Variants in RNFT1 observed in about 807,000 individuals in gnomAD.
RNFT1 encodes ring finger protein, transmembrane 1.
In RNFT1, 35 loss-of-function variants were observed where a neutral mutation model predicts 53.2. That is an observed-to-expected ratio of 0.66 (90% CI 0.50 to 0.87). RNFT1 has a LOEUF of 0.87. RNFT1 is among the 40% of genes least tolerant of loss of function. The probability of loss-of-function intolerance (pLI) is 0.00; values close to 1 mark genes in which losing one functional copy is unlikely to be tolerated. For missense variants in RNFT1, 421 were observed against 515.0 expected (o/e 0.82, Z 1.77); for synonymous variants, 141 against 172.8 (o/e 0.82, Z 1.44).
intron 4 of RNFT1, 94 bp from the exon 5 acceptor site, chr17:59,958,538 A>T: frequency 9.7e-7 from 1 of 1,031,266 alleles, no homozygotes; most frequent in South Asian, 1.5e-5. Flanking sequence ...TTTTATTTTG[A>T]TATGTAAAAA....
intron 4 of RNFT1, 126 bp from the exon 5 acceptor site, chr17:59,958,570 A>G: frequency 1.2e-6 from 1 of 806,400 alleles, no homozygotes; most frequent in Non-Finnish European, 2.0e-6. Context: ...GCAGGATGTC[A>G]GAGTTCACAA....
In RNFT1 at chr17:59,962,601, A is replaced by G; in HGVS notation, c.530T>C (p.Ile177Thr). ...MQHITGISLGIGLLTTFMYAN... is the reference protein window; with the variant it reads ...MQHITGISLGTGLLTTFMYAN... ...ATACATAAAAGTTGTTAGCAGCCCA[A>G]TTCCAAGAGAAATTCCTGTTAGAAA... The change falls in exon 3 of 9, where the codon ATT becomes ACT. Residue 177 changes from isoleucine to threonine, a missense_variant. By Grantham distance (89) the Ile-to-Thr change is moderately conservative (BLOSUM62 -1). Transcript: ENST00000305783. 6.3e-7 allele frequency: 1 copy of G among 1,599,322 alleles called. No individual in the cohort carries two copies. Among genetic ancestry groups the G allele is most frequent in the East Asian group, 2.2e-5 (1 of 44,706 alleles).
chr17:59,954,792 A>G (rs1466255228), intron 7 of RNFT1, among the ~76,000 whole-genome samples: 1 of 152,228 alleles, frequency 6.6e-6, no homozygotes, highest in Non-Finnish European at 1.5e-5. Flanking sequence ...AAAAAGTTTT[A>G]CGGAGAAACT....
intron 3 of RNFT1, among the ~76,000 whole-genome samples, chr17:59,961,486 G>A (rs1324099038): frequency 3.3e-5 from 5 of 152,096 alleles, no homozygotes; most frequent in Non-Finnish European, 7.3e-5. Context: ...TTGCCTTAAG[G>A]TGAAATTTTA....
In RNFT1 at chr17:59,956,567, T is replaced by G; in HGVS notation, c.1006-14A>C. The G allele has an allele frequency of 3.1e-6, 5 of 1,604,630 alleles. No homozygotes were observed. Among genetic ancestry groups the G allele is most frequent in the Non-Finnish European group, 4.3e-6 (5 of 1,172,756 alleles). ...AAATTCCAAAAGCTGAAAAGAGAAA[T>G]AAGAGATCATTTATTAATTCAAACA... On this transcript the variant is annotated splice_polypyrimidine_tract_variant and intron_variant, in intron 6 of 8. Coordinates refer to ENST00000305783, the MANE Select transcript of RNFT1 (RefSeq NM_016125.4).
At position 59,964,705 on chromosome 17, in the gene RNFT1, C is replaced by G; in HGVS notation, c.-42G>C. ...TTCAGTCGGGGCCATCAACCGCAAA[C>G]CCCGCAAGCTCTTCTCTCAGCCCGG... On this transcript the variant is annotated 5_prime_UTR_variant, in exon 1 of 9. Transcript: ENST00000305783. 1 of 1,566,224 alleles carries G rather than the reference C, an allele frequency of 6.4e-7. No individual in the cohort carries two copies. The highest frequency in any genetic ancestry group is 8.7e-7 in the Non-Finnish European group (1 of 1,155,182).
Position 59,957,214 on chromosome 17 carries a change from TG to T in RNFT1, c.1005+9del. On this transcript the variant is annotated intron_variant, in intron 6 of 8. Coordinates refer to ENST00000305783, the MANE Select transcript of RNFT1 (RefSeq NM_016125.4). ...AATCATGCAGTGACAAGATTTGTAA[TG>T]TTACCTACTTTTAATATGAGGTAGA... 6.2e-7 allele frequency: 1 copy of T among 1,608,974 alleles called. No homozygotes were observed. Among genetic ancestry groups the T allele is most frequent in the Non-Finnish European group, 8.5e-7 (1 of 1,178,058 alleles).
Position 59,964,518 on chromosome 17 carries a change from G to A in RNFT1, c.56+90C>T, listed in dbSNP as rs917457460. 50 of 1,227,292 alleles carry A rather than the reference G, an allele frequency of 4.1e-5. No homozygotes were observed. The African/African-American group carries it at 7.7e-4, about 19-fold the overall frequency. The allele number at this position is 1,227,292 out of a possible 1,614,324, so 76.0% of individuals were successfully genotyped here. ...TCCGAGGGCAGAGTTCTCCACCCAC[G>A]TCCGAGCCTCGAGTGCCTATTCTCC... On this transcript the variant is annotated intron_variant, in intron 1 of 8. Transcript: ENST00000305783.
At chr17:59,961,463 T>C (rs1350904199) in intron 3 of RNFT1, among the ~76,000 whole-genome samples, 1 of 152,234 alleles carries the variant, frequency 6.6e-6, no homozygotes, top group African/African-American at 2.4e-5. Context: ...TACACAGACA[T>C]AGCCATTTAA....
At chr17:59,957,546 T>C (rs1282683014) in intron 5 of RNFT1, among the ~76,000 whole-genome samples, 164 bp from the exon 6 acceptor site, 1 of 152,174 alleles carries the variant, frequency 6.6e-6, no homozygotes, top group African/African-American at 2.4e-5. Context: ...TTCTCACATA[T>C]TACAGTCACT....
chr17:59,952,778 A>G lies in RNFT1; in HGVS notation c.*199T>C, dbSNP rs1304846554. ...AGAATAGAATAAATGTTGCATATACATTAGGTTGAACATTATATATATTTT... is the reference window on the plus strand; with the variant it reads ...AGAATAGAATAAATGTTGCATATACGTTAGGTTGAACATTATATATATTTT... On this transcript the variant is annotated 3_prime_UTR_variant, in exon 9 of 9. Transcript: ENST00000305783. 1 of 455,478 alleles carries G rather than the reference A, an allele frequency of 2.2e-6. No homozygotes were observed. Among genetic ancestry groups the G allele is most frequent in the African/African-American group, 2.0e-5 (1 of 50,378 alleles). 28.2% of individuals were successfully genotyped at this position (455,478 alleles called of 1,614,324 possible). A position where few individuals can be genotyped will look rare whatever the true frequency, so the allele number is the denominator to read the frequency against.
At chr17:59,962,032 C>T (rs761345217) in intron 3 of RNFT1, among the ~76,000 whole-genome samples, 11 of 151,936 alleles carry the variant, frequency 7.2e-5, no homozygotes, top group Admixed American at 3.9e-4. Flanking sequence ...AATACAGGCA[C>T]ATGCCACCAC....
intron 6 of RNFT1, 142 bp downstream of exon 6, chr17:59,957,082 C>A: frequency 1.1e-6 from 1 of 878,016 alleles, no homozygotes; most frequent in Non-Finnish European, 1.7e-6. Flanking sequence ...TTCTCCATTT[C>A]TAAACAAATA....
intron 3 of RNFT1, 89 bp downstream of exon 3, chr17:59,962,451 C>T: frequency 1.2e-6 from 1 of 860,752 alleles, no homozygotes; most frequent in South Asian, 1.6e-5. Flanking sequence ...CTATTTCTTT[C>T]AAGTTATTTC....
chr17:59,964,068 T>C (rs1239129353), intron 1 of RNFT1, among the ~76,000 whole-genome samples: 1 of 152,192 alleles, frequency 6.6e-6, no homozygotes, highest in Non-Finnish European at 1.5e-5. Flanking sequence ...AAGAGGACTC[T>C]AGCAGAGAAA....
Position 59,952,276 on chromosome 17 carries a change from G to A in RNFT1, c.*701C>T, listed in dbSNP as rs575405855. 3 of 152,158 alleles carry A rather than the reference G, an allele frequency of 2.0e-5. No homozygotes were observed. Among genetic ancestry groups the A allele is most frequent in the African/African-American group, 4.8e-5 (2 of 41,526 alleles). The allele number at this position is 152,158 out of a possible 1,614,324, so 9.4% of individuals were successfully genotyped here. The stretch of plus-strand genomic sequence containing the variant: ...CATGAATTATTTTAATAGTTACTTC[G>A]AGATACTCCATGGTACTATACAAAA... On this transcript the variant is annotated 3_prime_UTR_variant, in exon 9 of 9. Coordinates refer to ENST00000305783, the MANE Select transcript of RNFT1 (RefSeq NM_016125.4).
chr17:59,956,918 T>G (rs577756482), intron 6 of RNFT1, among the ~76,000 whole-genome samples: 7 of 152,316 alleles, frequency 4.6e-5, no homozygotes, highest in African/African-American at 1.7e-4. Context: ...TCTACTAGTT[T>G]AAGAATTATG....
intron 7 of RNFT1, among the ~76,000 whole-genome samples, chr17:59,956,117 T>C (rs181936008): frequency 2.4e-3 from 367 of 152,248 alleles, no homozygotes; most frequent in Admixed American, 3.3e-3. Context: ...CACAGGTGAA[T>C]AAGGAGTTAA....
rs141521142 is a variant in RNFT1, at chr17:59,959,753, T to C, written c.692+315A>G. On this transcript the variant is annotated intron_variant, in intron 4 of 8. Coordinates refer to ENST00000305783, the MANE Select transcript of RNFT1 (RefSeq NM_016125.4). ...GGTGAAACTCCGTCTCTATTAAAAA[T>C]ACAAAAATTTGCCAGGCGTGGTGGC... 4.0e-3 allele frequency: 644 copies of C among 160,248 alleles called. 6 individuals carry two copies. The highest frequency in any genetic ancestry group is 0.014 in the African/African-American group (587 of 41,596). The allele number at this position is 160,248 out of a possible 1,614,324, so 9.9% of individuals were successfully genotyped here.
Sources: gnomAD v4.1 joint callset for allele counts (sites outside exome capture counted in the v4.1 genomes callset) on GRCh38, gnomAD v4.1.1 for gene constraint, MANE v1.5 for transcripts, NCBI Gene and HGNC (gene_info 2026-07-23, HGNC 2026-07-21) for gene names.